DPF3: variants seen among roughly 807,000 people sequenced by gnomAD.
DPF3 encodes the protein zinc finger protein DPF3.
In DPF3, 18 loss-of-function variants were observed where a neutral mutation model predicts 56.8. That is an observed-to-expected ratio of 0.32 (90% CI 0.22 to 0.47). The LOEUF (loss-of-function observed/expected upper bound fraction) is 0.47, where lower values mean the gene tolerates loss of function less well. Ranked by LOEUF, DPF3 falls within the 20% of genes least tolerant of loss-of-function variation. The probability of loss-of-function intolerance (pLI) is 1.00; values close to 1 mark genes in which losing one functional copy is unlikely to be tolerated. For missense variants in DPF3, 403 were observed against 488.8 expected, an observed-to-expected ratio of 0.82 and a Z score of 1.65; for synonymous variants, 188 against 180.2, an observed-to-expected ratio of 1.04 and a Z score of -0.35.
chr14:72,660,840 G>A (rs1886185679), intron 8 of DPF3, among the ~76,000 whole-genome samples: 1 of 152,172 alleles, frequency 6.6e-6, no homozygotes, highest in African/African-American at 2.4e-5. Context: ...CCTGGGCATT[G>A]TTCACTTTCC....
At chr14:72,743,035 C>T (rs1223385934) in intron 3 of DPF3, among the ~76,000 whole-genome samples, 1 of 152,204 alleles carries the variant, frequency 6.6e-6, no homozygotes, top group East Asian at 1.9e-4. Flanking sequence ...TGCATGCCCT[C>T]TTGTCTGAGT....
chr14:72,689,592 G>A (rs1361205295), intron 7 of DPF3, among the ~76,000 whole-genome samples: 2 of 152,190 alleles, frequency 1.3e-5, no homozygotes, highest in Non-Finnish European at 2.9e-5. Context: ...ATGGATGGGA[G>A]CCACCCCCTA....
At position 72,641,279 on chromosome 14, in the gene DPF3, G is replaced by A. The variant is rs554452211; in HGVS notation, c.872-11543C>T. On this transcript the variant is annotated intron_variant, in intron 8 of 10. Coordinates refer to ENST00000556509, the MANE Select transcript of DPF3 (RefSeq NM_001280542.3). ...CTCACAACATGCTTCTTCTGCCGCAGGCTTTGTCCAGCACTCTCAAGCTTG... is the reference window on the plus strand; with the variant it reads ...CTCACAACATGCTTCTTCTGCCGCAAGCTTTGTCCAGCACTCTCAAGCTTG... Among the ~76,000 whole-genome samples the A allele has an allele frequency of 2.6e-4, 40 of 152,278 alleles. 1 individual carries two copies. In the South Asian group the frequency reaches 8.3e-3, roughly 32 times the overall value.
At chr14:72,678,328 A>G (rs1301673239) in intron 7 of DPF3, among the ~76,000 whole-genome samples, 2 of 152,198 alleles carry the variant, frequency 1.3e-5, no homozygotes, top group Admixed American at 6.5e-5. Flanking sequence ...TTCGCCCAAT[A>G]TGATATTTAC....
chr14:72,761,855 A>G (rs1891081231), intron 2 of DPF3, among the ~76,000 whole-genome samples: 1 of 151,934 alleles, frequency 6.6e-6, no homozygotes, highest in African/African-American at 2.4e-5. Context: ...AATTAACAAT[A>G]TAATGAGTAA....
chr14:72,849,882 C>A (rs1393827003), intron 1 of DPF3, among the ~76,000 whole-genome samples: 1 of 152,092 alleles, frequency 6.6e-6, no homozygotes, highest in Admixed American at 6.5e-5. Flanking sequence ...ATTTGGGAGG[C>A]CAACCTGGGT....
At chr14:72,859,120 T>C (rs1328197915) in intron 1 of DPF3, among the ~76,000 whole-genome samples, 1 of 152,182 alleles carries the variant, frequency 6.6e-6, no homozygotes, top group Non-Finnish European at 1.5e-5. Context: ...TGAAATAATT[T>C]ACAGATAAAA....
chr14:72,798,254 C>CAA (rs35648169), intron 1 of DPF3, among the ~76,000 whole-genome samples: 2,025 of 53,848 alleles, frequency 0.038, 291 homozygotes, highest in African/African-American at 0.086. Flanking sequence ...GCCTTCATCT[C>CAA]AAAAAAAAAA....
At chr14:72,673,585 C>A (rs1025073444) in intron 8 of DPF3, among the ~76,000 whole-genome samples, 35 of 152,228 alleles carry the variant, frequency 2.3e-4, no homozygotes, top group African/African-American at 7.0e-4. Flanking sequence ...CCAAAAGTCT[C>A]TTTCTGTTAT....
chr14:72,817,376 G>C (rs1883334586), intron 1 of DPF3, among the ~76,000 whole-genome samples: 1 of 152,246 alleles, frequency 6.6e-6, no homozygotes, highest in Admixed American at 6.5e-5. Flanking sequence ...GTGGTTAATG[G>C]CTGGGCACGG....
At chr14:72,709,330 C>T (rs1888555551) in intron 6 of DPF3, among the ~76,000 whole-genome samples, 1 of 152,160 alleles carries the variant, frequency 6.6e-6, no homozygotes, top group African/African-American at 2.4e-5. Flanking sequence ...TCTAGGAGGG[C>T]TTTAGCCATG....
intron 2 of DPF3, among the ~76,000 whole-genome samples, chr14:72,760,332 A>T (rs1891019207): frequency 6.6e-6 from 1 of 152,086 alleles, no homozygotes; most frequent in Non-Finnish European, 1.5e-5. Flanking sequence ...TTAGCCAGGC[A>T]TGGTGGCGCA....
At chr14:72,891,320 T>G (rs1170030712) in intron 1 of DPF3, among the ~76,000 whole-genome samples, 1 of 151,392 alleles carries the variant, frequency 6.6e-6, no homozygotes, top group Non-Finnish European at 1.5e-5. Context: ...TGGCTTTTTT[T>G]TTTTTGGAGG....
At chr14:72,764,870 C>G (rs941831130) in intron 2 of DPF3, among the ~76,000 whole-genome samples, 2 of 152,196 alleles carry the variant, frequency 1.3e-5, no homozygotes, top group African/African-American at 4.8e-5. Context: ...AGGTCAGAAG[C>G]ACAGCTGACA....
chr14:72,696,905 G>A (rs1350243347), intron 6 of DPF3, among the ~76,000 whole-genome samples: 2 of 152,174 alleles, frequency 1.3e-5, no homozygotes, highest in African/African-American at 4.8e-5. Flanking sequence ...AGCCCTCTAG[G>A]TGATTCTGAT....
chr14:72,706,427 G>T (rs141084242), intron 6 of DPF3, among the ~76,000 whole-genome samples: 1 of 152,252 alleles, frequency 6.6e-6, no homozygotes, highest in African/African-American at 2.4e-5. Flanking sequence ...AAGCATATTG[G>T]AGAAAGAGAA....
At chr14:72,872,361 C>A (rs1885934461) in intron 1 of DPF3, among the ~76,000 whole-genome samples, 1 of 152,242 alleles carries the variant, frequency 6.6e-6, no homozygotes, top group Non-Finnish European at 1.5e-5. Flanking sequence ...ATGCAAATTT[C>A]TGCAGCCGAC....
intron 3 of DPF3, among the ~76,000 whole-genome samples, chr14:72,740,075 G>C (rs371867122): frequency 6.6e-6 from 1 of 151,916 alleles, no homozygotes. Flanking sequence ...GAGAGGGAGG[G>C]GGCTACGCTG....
Position 72,610,652 on chromosome 14 carries a change from G to A in DPF3, c.*8645C>T, listed in dbSNP as rs1037317196. The stretch of plus-strand genomic sequence containing the variant: ...TCGACCGTGTGACGTAGACAGCACA[G>A]CATCAGGCCAGGAAGGCGCCTGATG... On this transcript the variant is annotated 3_prime_UTR_variant, in exon 11 of 11. Transcript: ENST00000556509. Among the ~76,000 whole-genome samples the A allele has an allele frequency of 6.6e-6, 1 of 152,252 alleles. No individual in the cohort carries two copies. The highest frequency in any genetic ancestry group is 2.4e-5 in the African/African-American group (1 of 41,456).
Sources: gnomAD v4.1 joint callset for allele counts (sites outside exome capture counted in the v4.1 genomes callset) on GRCh38, gnomAD v4.1.1 for gene constraint, MANE v1.5 for transcripts, NCBI Gene and HGNC (gene_info 2026-07-23, HGNC 2026-07-21) for gene names.